GRID1: variants seen among roughly 807,000 people sequenced by gnomAD.
GRID1 encodes the protein glutamate receptor ionotropic, delta-1.
A neutral mutation model predicts 98.0 loss-of-function variants in GRID1; 28 were observed. The observed-to-expected ratio is 0.29, with a 90% CI of 0.21 to 0.39. The LOEUF (loss-of-function observed/expected upper bound fraction) is 0.39, where lower values mean the gene tolerates loss of function less well. GRID1 is among the 10% of genes least tolerant of loss of function. The probability of loss-of-function intolerance (pLI) is 1.00; values close to 1 mark genes in which losing one functional copy is unlikely to be tolerated. For synonymous variants in GRID1, 553 were observed against 538.5 expected (o/e 1.03, Z -0.37); for missense variants, 1,111 against 1,340.5 (o/e 0.83, Z 2.67).
At chr10:86,173,990 G>A (rs1052336940) in intron 3 of GRID1, among the ~76,000 whole-genome samples, 5 of 152,078 alleles carry the variant, frequency 3.3e-5, no homozygotes, top group Middle Eastern at 3.4e-3. Flanking sequence ...TGGACTTCTG[G>A]GTTGGTTCCA....
rs947388832 is a variant in GRID1, at chr10:85,986,865, G to A, written c.727-70626C>T. Among the ~76,000 whole-genome samples, 62 of 152,280 alleles carry A rather than the reference G, an allele frequency of 4.1e-4. 1 individual carries two copies. Among genetic ancestry groups the A allele is most frequent in the Admixed American group, 2.4e-3 (37 of 15,304 alleles). ...TGAAACCCAAGTGGAGTGTTATAAA[G>A]AACCAGAGTCTGTTCTGCTCTGTTC... On this transcript the variant is annotated intron_variant, in intron 4 of 15. Coordinates refer to ENST00000327946, the MANE Select transcript of GRID1 (RefSeq NM_017551.3).
chr10:85,731,117 AC>A (rs2132660193), intron 8 of GRID1, among the ~76,000 whole-genome samples: 1 of 152,266 alleles, frequency 6.6e-6, no homozygotes, highest in African/African-American at 2.4e-5. Flanking sequence ...AGGCCATAGA[AC>A]CTGAGGAGTC....
intron 12 of GRID1, among the ~76,000 whole-genome samples, chr10:85,698,910 T>C (rs1388905512): frequency 6.6e-6 from 1 of 152,220 alleles, no homozygotes; most frequent in Non-Finnish European, 1.5e-5. Flanking sequence ...ATGTTGAGCA[T>C]CTTCTCATGT....
At chr10:86,241,618 C>T (rs558534965) in intron 2 of GRID1, among the ~76,000 whole-genome samples, 31 of 152,362 alleles carry the variant, frequency 2.0e-4, no homozygotes, top group African/African-American at 6.0e-4. Context: ...GTTATTTCCA[C>T]ATTTTTATTC....
At chr10:86,328,843 T>C (rs1398159637) in intron 2 of GRID1, among the ~76,000 whole-genome samples, 1 of 151,872 alleles carries the variant, frequency 6.6e-6, no homozygotes, top group African/African-American at 2.4e-5. Context: ...TTGGGGACTC[T>C]GCATGAGGCC....
chr10:86,005,415 G>A (rs922605558), intron 4 of GRID1, among the ~76,000 whole-genome samples: 10 of 152,052 alleles, frequency 6.6e-5, no homozygotes, highest in African/African-American at 2.4e-4. Context: ...TAAGGAGAAA[G>A]ATCATGAGCA....
At chr10:85,911,448 C>T (rs1172865989) in intron 5 of GRID1, among the ~76,000 whole-genome samples, 5 of 152,092 alleles carry the variant, frequency 3.3e-5, no homozygotes, top group Non-Finnish European at 7.3e-5. Flanking sequence ...CACTGACAAT[C>T]GGGAAGAAGT....
chr10:86,059,705 G>T (rs145335211), intron 4 of GRID1, among the ~76,000 whole-genome samples: 9 of 152,284 alleles, frequency 5.9e-5, no homozygotes, highest in Admixed American at 5.9e-4. Context: ...TTGCTTGATG[G>T]AATCGTTAAA....
At chr10:85,620,309 C>T (rs572067673) in intron 13 of GRID1, among the ~76,000 whole-genome samples, 2 of 152,310 alleles carry the variant, frequency 1.3e-5, no homozygotes, top group Admixed American at 6.5e-5. Context: ...GGCTCTAAGA[C>T]GAGCTTCCTG....
intron 4 of GRID1, among the ~76,000 whole-genome samples, chr10:86,011,829 G>A (rs980443793): frequency 5.3e-5 from 8 of 152,186 alleles, no homozygotes; most frequent in Non-Finnish European, 2.9e-5. Flanking sequence ...ACATAATGTA[G>A]AGGAAACAGT....
At chr10:86,012,550 G>A (rs967116920) in intron 4 of GRID1, among the ~76,000 whole-genome samples, 5 of 152,174 alleles carry the variant, frequency 3.3e-5, no homozygotes, top group African/African-American at 1.2e-4. Context: ...TTTCCCTAAA[G>A]GGACCTGAAA....
chr10:86,320,607 G>A (rs990572759), intron 2 of GRID1, among the ~76,000 whole-genome samples: 7 of 152,126 alleles, frequency 4.6e-5, no homozygotes, highest in Non-Finnish European at 1.0e-4. Flanking sequence ...GGAGATGGAT[G>A]GTGGTGATGG....
rs78696907 is a variant in GRID1, at chr10:85,825,758, A to C, written c.1233+28738T>G. Among the ~76,000 whole-genome samples the C allele has an allele frequency of 3.1e-3, 470 of 151,854 alleles. 1 individual carries two copies. Among genetic ancestry groups the C allele is most frequent in the Non-Finnish European group, 4.8e-3 (325 of 67,982 alleles). On this transcript the variant is annotated intron_variant, in intron 8 of 15. Transcript: ENST00000327946. The stretch of plus-strand genomic sequence containing the variant: ...AAGAGAGAAATGCAATAGAAAACAT[A>C]ATCACAAAAAGAGAATGGAAAAAAT...
In GRID1 at chr10:85,619,997, C is replaced by T. The variant is rs1842841263; in HGVS notation, c.2230G>A (p.Ala744Thr). 2 of 1,613,976 alleles carry T rather than the reference C, an allele frequency of 1.2e-6. No individual in the cohort carries two copies. Among genetic ancestry groups the T allele is most frequent in the Non-Finnish European group, 1.7e-6 (2 of 1,179,952 alleles). ...KGNYAFLWDV[A>T]VVEYAALTDD... is the part of the protein sequence containing the mutation. Reference sequence around the variant, plus strand: ...GTCAGGGCTGCGTATTCCACCACGGCCACATCCCACAGGAAGGCGTAGTTC... The same window carrying T: ...GTCAGGGCTGCGTATTCCACCACGGTCACATCCCACAGGAAGGCGTAGTTC... The change falls in exon 14 of 16, where the codon GCC (alanine) becomes ACC (threonine). Residue 744 changes from alanine (A) to threonine (T), a missense_variant. Physicochemically the swap from Ala to Thr is moderately conservative, Grantham distance 58 (BLOSUM62 0). Around this residue, in one of 3 missense-constraint regions of GRID1, gnomAD observed 762 missense variants for 869.1 expected, o/e 0.88. Transcript: ENST00000327946.
chr10:85,858,682 C>T (rs368888769), intron 6 of GRID1, among the ~76,000 whole-genome samples: 2 of 152,092 alleles, frequency 1.3e-5, no homozygotes, highest in African/African-American at 4.8e-5. Context: ...GAATCCTTAA[C>T]GATGGGAAGA....
chr10:86,056,757 G>A lies in GRID1; in HGVS notation c.726+82062C>T, dbSNP rs776902666. On this transcript the variant is annotated intron_variant, in intron 4 of 15. Coordinates refer to ENST00000327946, the MANE Select transcript of GRID1 (RefSeq NM_017551.3). ...AAGCCACGTGGTGGATCTTATAGCA[G>A]AGACTGTAGCTTAAGGAGGCTATTT... Among the ~76,000 whole-genome samples, 71 of 152,238 alleles carry A rather than the reference G, an allele frequency of 4.7e-4. 2 individuals are homozygous for A. Among genetic ancestry groups the A allele is most frequent in the Non-Finnish European group, 8.7e-4 (59 of 68,038 alleles).
chr10:85,828,877 GTAT>G (rs1564603137), intron 8 of GRID1, among the ~76,000 whole-genome samples: 1 of 152,132 alleles, frequency 6.6e-6, no homozygotes. Flanking sequence ...TCCACCAGGT[GTAT>G]AAAGAAGAGC....
intron 4 of GRID1, among the ~76,000 whole-genome samples, chr10:85,962,233 A>G (rs556227479): frequency 6.6e-6 from 1 of 152,186 alleles, no homozygotes; most frequent in Admixed American, 6.5e-5. Flanking sequence ...CCTTCCCGGC[A>G]TTCCTTTCCA....
Position 85,802,608 on chromosome 10 carries a change from GA to G in GRID1, c.1233+51887del, listed in dbSNP as rs1248461003. Among the ~76,000 whole-genome samples the G allele has an allele frequency of 1.6e-4, 24 of 151,448 alleles. No individual in the cohort carries two copies. In the East Asian group the frequency reaches 3.7e-3, roughly 23 times the overall value. On this transcript the variant is annotated intron_variant, in intron 8 of 15. Coordinates refer to ENST00000327946, the MANE Select transcript of GRID1 (RefSeq NM_017551.3). ...TAGATTCAGATCTTATCTTTAAAAGGAAAAAAAATTAAATTTTAATAGGAAG... is the reference window on the plus strand; with the variant it reads ...TAGATTCAGATCTTATCTTTAAAAGGAAAAAAATTAAATTTTAATAGGAAG...
Sources: gnomAD v4.1 joint callset for allele counts (sites outside exome capture counted in the v4.1 genomes callset) on GRCh38, gnomAD v4.1.1 for gene constraint, gnomAD v4.1.1 regional missense constraint, MANE v1.5 for transcripts, NCBI Gene and HGNC (gene_info 2026-07-23, HGNC 2026-07-21) for gene names.